Variants in HNMT observed in about 807,000 individuals in gnomAD.
The protein encoded by HNMT is histamine N-methyltransferase.
HNMT carries 30 observed loss-of-function variants against 32.1 expected under a neutral mutation model. That is an observed-to-expected ratio of 0.93 (90% CI 0.70 to 1.27). HNMT has a LOEUF of 1.27. HNMT is among the 50% of genes most tolerant of loss of function. The probability of loss-of-function intolerance (pLI) is 0.00; values close to 1 mark genes in which losing one functional copy is unlikely to be tolerated. For missense variants in HNMT, 327 were observed against 346.0 expected, an observed-to-expected ratio of 0.95 and a Z score of 0.43; for synonymous variants, 125 against 119.0, an observed-to-expected ratio of 1.05 and a Z score of -0.33.
chr2:138,012,100 A>C (rs1266766745), intron 5 of HNMT, among the ~76,000 whole-genome samples: 1 of 152,156 alleles, frequency 6.6e-6, no homozygotes, highest in Non-Finnish European at 1.5e-5. Context: ...TCAAGAATGC[A>C]ATCAGTGGAA....
intron 5 of HNMT, among the ~76,000 whole-genome samples, chr2:138,005,595 G>A (rs987093856): frequency 2.0e-5 from 3 of 151,834 alleles, no homozygotes; most frequent in Admixed American, 6.6e-5. Flanking sequence ...CCTCTATGAT[G>A]TTTATTAATA....
chr2:138,002,080 A>G lies in HNMT; in HGVS notation c.315A>G (p.Thr105=), dbSNP rs1193196957. The G allele has an allele frequency of 1.3e-6, 2 of 1,590,952 alleles. No individual in the cohort carries two copies. Among genetic ancestry groups the G allele is most frequent in the Non-Finnish European group, 1.7e-6 (2 of 1,170,388 alleles). ...GTATTTTAGAGCTTGTAGCCAAGAC[A>G]TCGAACCTCGAGAACGTAAAGTTTG... is the stretch of plus-strand genomic sequence containing the variant. ...IAKYKELVAK[T]SNLENVKFAW... The change falls in exon 4 of 6, where the codon ACA becomes ACG. Residue 105 remains threonine (T), a synonymous_variant. Transcript: ENST00000280097.
rs1170340339 is a variant in HNMT at position 138,013,778 on chromosome 2, G to A, written c.527G>A (p.Ser176Asn). Residue 176 changes from serine to asparagine, a missense_variant, in exon 6 of 6, where the codon AGC becomes AAC. Ser to Asn is a conservative substitution (Grantham distance 46). Transcript: ENST00000280097. ...TGACTTGTGTTTTATTGCACAGGAA[G>A]CAGTGGCTGGGACAAGCTGTGGAAA... ...AKMLIIVVSG[S>N]SGWDKLWKKY... 1 of 1,609,166 alleles carries A rather than the reference G, an allele frequency of 6.2e-7. No homozygotes were observed.
rs535276048 is a variant in HNMT, at chr2:137,982,381, A to C, written c.190+12164A>C. Among the ~76,000 whole-genome samples, 6 of 152,318 alleles carry C rather than the reference A, an allele frequency of 3.9e-5. No individual in the cohort carries two copies. The South Asian group carries it at 1.2e-3, about 32-fold the overall frequency. Reference sequence around the variant, plus strand: ...TGAATGTAAGTGTGATGCATTTAACATACAGCTTGTGTGAAAGCAGGATAT... The same window carrying C: ...TGAATGTAAGTGTGATGCATTTAACCTACAGCTTGTGTGAAAGCAGGATAT... On this transcript the variant is annotated intron_variant, in intron 2 of 5. Coordinates refer to ENST00000280097, the MANE Select transcript of HNMT (RefSeq NM_006895.3).
chr2:137,980,062 G>T (rs1398055727), intron 2 of HNMT, among the ~76,000 whole-genome samples: 1 of 148,096 alleles, frequency 6.8e-6, no homozygotes, highest in East Asian at 2.0e-4. Context: ...TTGAGACAGA[G>T]TCTCCCTCTG....
chr2:137,979,981 A>C (rs1056450465), intron 2 of HNMT, among the ~76,000 whole-genome samples: 2 of 151,576 alleles, frequency 1.3e-5, no homozygotes, highest in African/African-American at 4.8e-5. Flanking sequence ...CACTGCTCCC[A>C]CAAGTGTGTT....
At chr2:137,965,728 A>G (rs1311773610) in intron 1 of HNMT, among the ~76,000 whole-genome samples, 1 of 152,156 alleles carries the variant, frequency 6.6e-6, no homozygotes, top group Non-Finnish European at 1.5e-5. Flanking sequence ...TTCTTTGCTC[A>G]TTTCTAAAGT....
At chr2:138,002,275 T>G in intron 4 of HNMT, 81 bp downstream of exon 4, 3 of 1,132,548 alleles carry the variant, frequency 2.6e-6, no homozygotes, top group Non-Finnish European at 3.4e-6. Flanking sequence ...CTATTCTAAT[T>G]TTTAAAAGGT....
At chr2:137,967,762 G>C (rs1471000) in intron 1 of HNMT, 146,218 of 152,282 alleles carry the variant, frequency 0.96, 70,460 homozygotes, top group East Asian at 1. Flanking sequence ...TTCAGCCCAT[G>C]TATTAACTTT....
intron 2 of HNMT, among the ~76,000 whole-genome samples, chr2:137,996,516 AAG>A (rs1681000190): frequency 6.6e-6 from 1 of 152,198 alleles, no homozygotes; most frequent in Admixed American, 6.5e-5. Flanking sequence ...TCAAGGATAT[AAG>A]AGAGGATGCA....
At chr2:137,995,205 CA>C (rs556067215) in intron 2 of HNMT, among the ~76,000 whole-genome samples, 24 of 144,398 alleles carry the variant, frequency 1.7e-4, no homozygotes, top group South Asian at 1.1e-3. Context: ...AAAAACCCTC[CA>C]AAAAAAAAAT....
At chr2:138,001,923 C>T (rs1681185947) in intron 3 of HNMT, 141 bp from the exon 4 acceptor site, 1 of 528,006 alleles carries the variant, frequency 1.9e-6, no homozygotes, top group Non-Finnish European at 3.1e-6. Flanking sequence ...TATGAACTCT[C>T]TGGTCTCCCA....
At chr2:138,006,635 GA>G (rs1367835372) in intron 5 of HNMT, among the ~76,000 whole-genome samples, 1 of 151,942 alleles carries the variant, frequency 6.6e-6, no homozygotes, top group Non-Finnish European at 1.5e-5. Context: ...GCTGTATCAT[GA>G]ATGAATTAAT....
At chr2:138,011,554 C>T (rs1017079690) in intron 5 of HNMT, among the ~76,000 whole-genome samples, 13 of 152,056 alleles carry the variant, frequency 8.5e-5, no homozygotes, top group African/African-American at 3.1e-4. Context: ...GGAACTTTAG[C>T]TTAATCCATG....
At chr2:137,977,127 AG>A (rs1680310421) in intron 2 of HNMT, among the ~76,000 whole-genome samples, 1 of 152,214 alleles carries the variant, frequency 6.6e-6, no homozygotes, top group African/African-American at 2.4e-5. Flanking sequence ...GGGCTTAAAC[AG>A]GTAAAATAGA....
intron 2 of HNMT, chr2:137,988,498 G>A (rs1680718130): frequency 6.6e-6 from 1 of 152,122 alleles, no homozygotes; most frequent in African/African-American, 2.4e-5. Flanking sequence ...AAAACTAAAT[G>A]TTAAATGGTT....
intron 5 of HNMT, among the ~76,000 whole-genome samples, chr2:138,007,205 G>A (rs1455164): frequency 0.64 from 97,913 of 151,818 alleles, 34,525 homozygotes; most frequent in Non-Finnish European, 0.8. Flanking sequence ...AAACCACTTC[G>A]CAAAAGTAGA....
intron 2 of HNMT, among the ~76,000 whole-genome samples, chr2:137,977,341 T>G (rs1680316248): frequency 6.6e-6 from 1 of 152,174 alleles, no homozygotes; most frequent in Admixed American, 6.5e-5. Context: ...ATAAGTTTCC[T>G]CCTGACAGTC....
chr2:137,981,490 GC>G, intron 2 of HNMT: 1 of 921,306 alleles, frequency 1.1e-6, no homozygotes, highest in Non-Finnish European at 1.7e-6. Flanking sequence ...TTTCTTTGTT[GC>G]TTTGGTTTTC....
Sources: allele counts gnomAD v4.1 joint callset (sites outside exome capture counted in the v4.1 genomes callset), GRCh38; gene constraint gnomAD v4.1.1; transcripts MANE v1.5; gene names NCBI Gene and HGNC (gene_info 2026-07-23, HGNC 2026-07-21).